GCM1: variants seen among roughly 807,000 people sequenced by gnomAD.
The protein encoded by GCM1 is chorion-specific transcription factor GCMa.
In GCM1, 2 loss-of-function variants were observed where a neutral mutation model predicts 25.7. That is an observed-to-expected ratio of 0.08 (90% CI 0.03 to 0.24). GCM1 has a LOEUF of 0.24. GCM1 is among the 10% of genes least tolerant of loss of function. GCM1 has a pLI of 1.00. For missense variants in GCM1, 395 were observed against 538.7 expected (o/e 0.73, Z 2.64); for synonymous variants, 183 against 195.7 (o/e 0.94, Z 0.54).
chr6:53,147,036 AAAATAAATAAATGAATGAATGAAT>A (rs1245351161), intron 1 of GCM1, among the ~76,000 whole-genome samples: 5 of 152,174 alleles, frequency 3.3e-5, no homozygotes, highest in African/African-American at 1.2e-4. Context: ...CTTGTCTCAA[AAAATAAATAAATGAATGAATGAAT>A]AAATAAATAA....
At chr6:53,144,609 T>G (rs1484990916) in intron 2 of GCM1, among the ~76,000 whole-genome samples, 1 of 122,838 alleles carries the variant, frequency 8.1e-6, no homozygotes, top group African/African-American at 3.2e-5. Flanking sequence ...CTGGGCAACA[T>G]AGCAAAGCCC....
In GCM1 at chr6:53,134,136, T is replaced by C. The variant is rs1260423164; in HGVS notation, c.264A>G (p.Ala88=). 1 of 1,614,148 alleles carries C rather than the reference T, an allele frequency of 6.2e-7. No individual in the cohort carries two copies. The highest frequency in any genetic ancestry group is 2.2e-5 in the East Asian group (1 of 44,880). The change falls in exon 3 of 6, where the codon GCA becomes GCG. Residue 88 remains alanine (A), a synonymous_variant. Coordinates refer to ENST00000259803, the MANE Select transcript of GCM1 (RefSeq NM_003643.4). The part of the protein sequence containing the change: ...GVVVCGRDCL[A]EEGRKIYLRP... The stretch of plus-strand genomic sequence containing the variant: ...TCAGGTAGATCTTGCGCCCCTCCTC[T>C]GCGAGACAGTCGCGGCCGCACACCA...
At chr6:53,141,233 C>CT (rs1220505331) in intron 2 of GCM1, among the ~76,000 whole-genome samples, 2 of 152,208 alleles carry the variant, frequency 1.3e-5, no homozygotes, top group Admixed American at 1.3e-4. Context: ...ACTACAGTGT[C>CT]TCCTGCATTT....
At chr6:53,143,658 T>G (rs1231087218) in intron 2 of GCM1, among the ~76,000 whole-genome samples, 1 of 152,168 alleles carries the variant, frequency 6.6e-6, no homozygotes, top group African/African-American at 2.4e-5. Flanking sequence ...ACAATAATTG[T>G]AATACTAATT....
intron 2 of GCM1, among the ~76,000 whole-genome samples, chr6:53,134,810 C>G (rs1763774573): frequency 1.3e-5 from 2 of 152,126 alleles, no homozygotes; most frequent in African/African-American, 4.8e-5. Context: ...TCTAAAAACT[C>G]AAAATAAACT....
rs749226935 is a variant in GCM1 at position 53,128,269 on chromosome 6, C to A, written c.1248G>T (p.Met416Ile). 6.8e-6 allele frequency: 11 copies of A among 1,613,336 alleles called. No homozygotes were observed. In the East Asian group the frequency reaches 1.3e-4, roughly 20 times the overall value. Residue 416 changes from methionine (M) to isoleucine (I), a missense_variant, in exon 6 of 6, where the codon ATG (methionine) becomes ATT (isoleucine). Around this residue, in one of 5 missense-constraint regions of GCM1, gnomAD observed 291 missense variants for 314.6 expected, o/e 0.92. Transcript: ENST00000259803. The stretch of plus-strand genomic sequence containing the variant: ...TGCAGTGATCCAAACCCAAGTATGT[C>A]ATTTCTTCCTCAAAATCCCATTTGC... ...KSSKWDFEEE[M>I]TYLGLDHCNN...
chr6:53,135,671 G>A (rs1763787610), intron 2 of GCM1, among the ~76,000 whole-genome samples: 1 of 152,064 alleles, frequency 6.6e-6, no homozygotes, highest in Non-Finnish European at 1.5e-5. Flanking sequence ...GACTTAGCAT[G>A]GTGTAAGAAC....
At chr6:53,139,875 TAAATA>T (rs1763850558) in intron 2 of GCM1, among the ~76,000 whole-genome samples, 1 of 151,868 alleles carries the variant, frequency 6.6e-6, no homozygotes, top group Non-Finnish European at 1.5e-5. Flanking sequence ...AATAAATAAA[TAAATA>T]AAATAAGACT....
At position 53,145,777 on chromosome 6, in the gene GCM1, A is replaced by T. The variant is rs1482054696; in HGVS notation, c.-136-9T>A. 4.5e-5 allele frequency: 27 copies of T among 594,474 alleles called. No individual in the cohort carries two copies. Among genetic ancestry groups the T allele is most frequent in the Non-Finnish European group, 5.1e-5 (17 of 336,582 alleles). The allele number at this position is 594,474 out of a possible 1,614,324, so 36.8% of individuals were successfully genotyped here. A position where few individuals can be genotyped will look rare whatever the true frequency, so the allele number is the denominator to read the frequency against. ...GAGATTGTTTTCTAGGGCTAAAAAAATAAGTTATATTAGTATTGGCCATTA... is the reference window on the plus strand; with the variant it reads ...GAGATTGTTTTCTAGGGCTAAAAAATTAAGTTATATTAGTATTGGCCATTA... On this transcript the variant is annotated splice_polypyrimidine_tract_variant and intron_variant, in intron 1 of 5. Coordinates refer to ENST00000259803, the MANE Select transcript of GCM1 (RefSeq NM_003643.4).
intron 4 of GCM1, among the ~76,000 whole-genome samples, 186 bp from the exon 5 acceptor site, chr6:53,131,117 C>G (rs188413578): frequency 6.6e-6 from 1 of 152,324 alleles, no homozygotes; most frequent in East Asian, 1.9e-4. Context: ...CTGCCTGCCT[C>G]TCACCCACCC....
intron 3 of GCM1, among the ~76,000 whole-genome samples, chr6:53,133,121 T>G (rs981404053): frequency 6.6e-6 from 1 of 152,228 alleles, no homozygotes; most frequent in Non-Finnish European, 1.5e-5. Flanking sequence ...TACTTTCTTC[T>G]AAATTTTACA....
intron 2 of GCM1, 67 bp from the exon 3 acceptor site, chr6:53,134,391 G>A: frequency 1.4e-6 from 2 of 1,457,930 alleles, no homozygotes; most frequent in Non-Finnish European, 1.9e-6. Flanking sequence ...CCACTGTGGA[G>A]TGAGTAGATA....
rs779224988 is a variant in GCM1, at chr6:53,145,621, G to A, written c.12C>T (p.Asp4=). The change falls in exon 2 of 6, where the codon GAC becomes GAT. Residue 4 remains aspartate, a synonymous_variant. Coordinates refer to ENST00000259803, the MANE Select transcript of GCM1 (RefSeq NM_003643.4). MEP[D]DFDSEDKEIL... is the part of the protein sequence containing the mutation. The stretch of plus-strand genomic sequence containing the variant: ...TCTCTTTGTCTTCAGAATCAAAGTC[G>A]TCAGGTTCCATGATAAGGTCAGGCC... The A allele has an allele frequency of 8.0e-5, 128 of 1,594,350 alleles. No individual in the cohort carries two copies. Among genetic ancestry groups the A allele is most frequent in the Non-Finnish European group, 1.0e-4 (119 of 1,162,374 alleles).
chr6:53,144,261 A>C (rs1190200990), intron 2 of GCM1, among the ~76,000 whole-genome samples: 1 of 149,874 alleles, frequency 6.7e-6, no homozygotes, highest in Non-Finnish European at 1.5e-5. Context: ...CCTCTCAAAA[A>C]CATTTTTTTT....
At chr6:53,140,104 G>A (rs900656073) in intron 2 of GCM1, among the ~76,000 whole-genome samples, 5 of 152,104 alleles carry the variant, frequency 3.3e-5, no homozygotes, top group African/African-American at 4.8e-5. Flanking sequence ...AAATAGCAGA[G>A]GCCCCAGTGA....
chr6:53,140,236 C>A (rs190488668), intron 2 of GCM1, among the ~76,000 whole-genome samples: 1 of 152,210 alleles, frequency 6.6e-6, no homozygotes, highest in Admixed American at 6.5e-5. Flanking sequence ...ACAACGTGAC[C>A]TGCTCATACA....
At chr6:53,143,700 C>T (rs1482487279) in intron 2 of GCM1, among the ~76,000 whole-genome samples, 2 of 151,958 alleles carry the variant, frequency 1.3e-5, no homozygotes, top group Non-Finnish European at 2.9e-5. Context: ...TCCCTAAAAT[C>T]GATATTTGCA....
At chr6:53,147,201 C>T (rs777289582) in intron 1 of GCM1, among the ~76,000 whole-genome samples, 3 of 151,920 alleles carry the variant, frequency 2.0e-5, no homozygotes, top group Non-Finnish European at 1.5e-5. Context: ...AAGTGTTCTA[C>T]CCTGAGGAAA....
chr6:53,136,127 A>G (rs1763796565), intron 2 of GCM1, among the ~76,000 whole-genome samples: 1 of 152,254 alleles, frequency 6.6e-6, no homozygotes, highest in Middle Eastern at 3.2e-3. Flanking sequence ...AGTACTGTTT[A>G]GTGGTTAAGA....
Sources: gnomAD v4.1 joint callset for allele counts (sites outside exome capture counted in the v4.1 genomes callset) on GRCh38, gnomAD v4.1.1 for gene constraint, gnomAD v4.1.1 regional missense constraint, MANE v1.5 for transcripts, NCBI Gene and HGNC (gene_info 2026-07-23, HGNC 2026-07-21) for gene names.